The following FNTB variants were observed in gnomAD, a reference collection of about 807,000 sequenced individuals.
The protein encoded by FNTB is farnesyltransferase, CAAX box, subunit beta.
In FNTB, 27 loss-of-function variants were observed where a neutral mutation model predicts 59.4. The observed-to-expected ratio is 0.45, with a 90% CI of 0.34 to 0.63. The LOEUF (loss-of-function observed/expected upper bound fraction) is 0.63, where lower values mean the gene tolerates loss of function less well. Among genes scored for constraint, FNTB ranks in the 20% least tolerant of loss-of-function variants. FNTB has a pLI of 0.02. For synonymous variants in FNTB, 230 were observed against 220.7 expected (o/e 1.04, Z -0.37); for missense variants, 449 against 559.6 (o/e 0.80, Z 1.99).
intron 1 of FNTB, chr14:65,003,491 A>G (rs1048383900): frequency 2.0e-5 from 3 of 152,162 alleles, no homozygotes; most frequent in African/African-American, 7.2e-5. Context: ...CAACAGGGTA[A>G]CAAAAGAAAA....
In FNTB at chr14:64,997,135, T is replaced by C. The variant is rs367994782; in HGVS notation, c.145-7114T>C. Reference sequence around the variant, plus strand: ...ATCTCCCTTTAGAATTGTGAGAGGGTCCTGAATTCTGCTAAGATGTAGGTG... The same window carrying C: ...ATCTCCCTTTAGAATTGTGAGAGGGCCCTGAATTCTGCTAAGATGTAGGTG... On this transcript the variant is annotated intron_variant, in intron 1 of 11. Transcript: ENST00000246166. This position sits in a 1 kb window ranked among gnomAD's most constrained non-coding sequence, Gnocchi z 4.5. Among the ~76,000 whole-genome samples the C allele has an allele frequency of 9.5e-4, 144 of 152,172 alleles. 2 individuals carry two copies. In the South Asian group the frequency reaches 0.029, roughly 31 times the overall value.
At chr14:64,995,195 G>C (rs1221174782) in intron 1 of FNTB, among the ~76,000 whole-genome samples, 1 of 152,054 alleles carries the variant, frequency 6.6e-6, no homozygotes, top group Non-Finnish European at 1.5e-5. Context: ...GAAGGCCTTC[G>C]GGGACAGTGA....
At chr14:65,056,971 GCAAA>G (rs1356174846) in intron 11 of FNTB, among the ~76,000 whole-genome samples, 1 of 152,220 alleles carries the variant, frequency 6.6e-6, no homozygotes, top group Non-Finnish European at 1.5e-5. Flanking sequence ...GCCAACCCAT[GCAAA>G]CAGAGGAGAG....
intron 7 of FNTB, among the ~76,000 whole-genome samples, chr14:65,037,928 C>T (rs990819769): frequency 5.9e-5 from 9 of 151,602 alleles, no homozygotes; most frequent in South Asian, 2.1e-4. Flanking sequence ...TATAGGCGTG[C>T]GCCACGACAC....
At chr14:65,051,261 C>T (rs902005564) in intron 9 of FNTB, among the ~76,000 whole-genome samples, 1 of 152,206 alleles carries the variant, frequency 6.6e-6, no homozygotes, top group Non-Finnish European at 1.5e-5. Context: ...AAACCCTTTT[C>T]CTCTGTGTCT....
chr14:64,999,192 C>T (rs1009260959), intron 1 of FNTB, among the ~76,000 whole-genome samples: 9 of 151,970 alleles, frequency 5.9e-5, no homozygotes, highest in African/African-American at 2.2e-4. Context: ...AATCCCAGCA[C>T]TTTGGGAGGC....
chr14:65,005,478 TTTC>T lies in FNTB; in HGVS notation c.209+1168_209+1170del, dbSNP rs1302837107. 8.9e-5 allele frequency among the ~76,000 whole-genome samples: 12 copies of T among 135,354 alleles called. No individual in the cohort carries two copies. The East Asian group carries it at 3.0e-3, about 34-fold the overall frequency. The allele number at this position is 135,354 out of a possible 152,430, so 88.8% of individuals were successfully genotyped here. On this transcript the variant is annotated intron_variant, in intron 2 of 11. Coordinates refer to ENST00000246166, the MANE Select transcript of FNTB (RefSeq NM_002028.4). ...CTTTCTTTCTTTCTTTCTTTCTTTC[TTTC>T]TTTCTTTCTTTCTTTCTTTCTTTCT... is the stretch of plus-strand genomic sequence containing the variant.
intron 7 of FNTB, among the ~76,000 whole-genome samples, chr14:65,035,517 CTCTG>C (rs892363970): frequency 4.0e-5 from 6 of 151,802 alleles, no homozygotes; most frequent in African/African-American, 7.3e-5. Flanking sequence ...TTCTTTCTTC[CTCTG>C]TCTTTCAATT....
In FNTB at chr14:64,997,372, A is replaced by G. The variant is rs77887534; in HGVS notation, c.145-6877A>G. ...TGCCGGAGGACCATCTTCCTTCCAC[A>G]TCCCTATGATTTCATCCCCAACCAG... On this transcript the variant is annotated intron_variant, in intron 1 of 11. Transcript: ENST00000246166. The surrounding 1 kb of genome is among the most constrained non-coding windows in gnomAD (Gnocchi z 4.5). Among the ~76,000 whole-genome samples the G allele has an allele frequency of 0.011, 1,672 of 152,204 alleles. 14 individuals are homozygous for G. The highest frequency in any genetic ancestry group is 0.031 in the Middle Eastern group (9 of 294).
Position 65,005,482 on chromosome 14 carries a change from TTTCTTTCTTTC to T in FNTB, c.209+1172_209+1182del, listed in dbSNP as rs1298847989. 5.2e-4 allele frequency among the ~76,000 whole-genome samples: 71 copies of T among 136,864 alleles called. 4 individuals are homozygous for T. In the East Asian group the frequency reaches 0.017, roughly 33 times the overall value. 89.8% of individuals were successfully genotyped at this position (136,864 alleles called of 152,430 possible). ...CTTTCTTTCTTTCTTTCTTTCTTTC[TTTCTTTCTTTC>T]TTTCTTTCTTTCTTTCTTTCTCTCT... On this transcript the variant is annotated intron_variant, in intron 2 of 11. Coordinates refer to ENST00000246166, the MANE Select transcript of FNTB (RefSeq NM_002028.4).
Position 65,054,662 on chromosome 14 carries a change from G to C in FNTB, c.1155G>C (p.Val385=). The change falls in exon 11 of 12, where the codon GTG becomes GTC. Residue 385 remains valine, a synonymous_variant. Coordinates refer to ENST00000246166, the MANE Select transcript of FNTB (RefSeq NM_002028.4). This position sits in a 1 kb window ranked among gnomAD's most constrained non-coding sequence, Gnocchi z 4.4. ...GCAGCGGAGCCATGTTGCATGATGTGGTCCTGGGTGTGCCCGAAAACGCTC... is the reference window on the plus strand; with the variant it reads ...GCAGCGGAGCCATGTTGCATGATGTCGTCCTGGGTGTGCCCGAAAACGCTC... ...HFGSGAMLHD[V]VLGVPENALQ... is the part of the protein sequence containing the mutation. 6.2e-7 allele frequency: 1 copy of C among 1,612,864 alleles called. No individual in the cohort carries two copies. The highest frequency in any genetic ancestry group is 1.1e-5 in the South Asian group (1 of 90,680).
intron 4 of FNTB, among the ~76,000 whole-genome samples, chr14:65,017,554 C>T (rs367933494): frequency 1.2e-4 from 19 of 152,218 alleles, no homozygotes; most frequent in African/African-American, 4.3e-4. Flanking sequence ...GTGTCAGCGC[C>T]GCTTCTGGGG....
chr14:65,038,865 CCCTGACTACTTTTACTT>C (rs2062277315), intron 7 of FNTB, among the ~76,000 whole-genome samples: 1 of 152,144 alleles, frequency 6.6e-6, no homozygotes, highest in African/African-American at 2.4e-5. Flanking sequence ...TAGTTTTCCT[CCCTGACTACTTTTACTT>C]CCTGACTACT....
At chr14:65,016,294 A>T (rs1273212396) in intron 4 of FNTB, among the ~76,000 whole-genome samples, 1 of 152,220 alleles carries the variant, frequency 6.6e-6, no homozygotes, top group Non-Finnish European at 1.5e-5. Context: ...TACAGATGGC[A>T]TTCGTGATCT....
chr14:65,006,218 A>C, intron 2 of FNTB: 6 of 1,613,354 alleles, frequency 3.7e-6, no homozygotes, highest in Non-Finnish European at 5.1e-6. Context: ...CCATGGCAGA[A>C]AACAGTTGGA....
At chr14:64,992,004 G>T (rs1357154652) in intron 1 of FNTB, among the ~76,000 whole-genome samples, 1 of 152,178 alleles carries the variant, frequency 6.6e-6, no homozygotes, top group African/African-American at 2.4e-5. Context: ...ACAGAATCCT[G>T]ACCTGCTGTT....
rs534451770 is a variant in FNTB at position 65,028,278 on chromosome 14, C to T, written c.605+497C>T. 1.6e-3 allele frequency among the ~76,000 whole-genome samples: 244 copies of T among 152,228 alleles called. 1 individual carries two copies. The highest frequency in any genetic ancestry group is 3.0e-3 in the Non-Finnish European group (204 of 68,014). The stretch of plus-strand genomic sequence containing the variant: ...CCGGGAGAGTGCAGTGCAATAAAAT[C>T]GCATTAACTGATTGGTGCCAGTTAG... On this transcript the variant is annotated intron_variant, in intron 6 of 11. Transcript: ENST00000246166. The surrounding 1 kb of genome is among the most constrained non-coding windows in gnomAD (Gnocchi z 4.4).
rs572250687 is a variant in FNTB at position 65,018,634 on chromosome 14, A to G, written c.374+2918A>G. On this transcript the variant is annotated intron_variant, in intron 4 of 11. Coordinates refer to ENST00000246166, the MANE Select transcript of FNTB (RefSeq NM_002028.4). ...AGACCAGCCTGGCCAACATGGGGAA[A>G]TCTTGTCTCTACTAAAAATATAAAA... is the stretch of plus-strand genomic sequence containing the variant. Among the ~76,000 whole-genome samples, 16 of 151,986 alleles carry G rather than the reference A, an allele frequency of 1.1e-4. No homozygotes were observed. The East Asian group carries it at 2.9e-3, about 28-fold the overall frequency.
chr14:65,056,257 CTATTA>C (rs1444068187), intron 11 of FNTB, among the ~76,000 whole-genome samples: 1 of 152,186 alleles, frequency 6.6e-6, no homozygotes, highest in Non-Finnish European at 1.5e-5. Flanking sequence ...TTCATTTTAA[CTATTA>C]TATGATACTC....
Sources: allele counts gnomAD v4.1 joint callset (sites outside exome capture counted in the v4.1 genomes callset), GRCh38; gene constraint gnomAD v4.1.1; non-coding constraint Gnocchi (gnomAD v3.1); transcripts MANE v1.5; gene names NCBI Gene and HGNC (gene_info 2026-07-23, HGNC 2026-07-21).